Variants in HDHD2 observed in about 807,000 individuals in gnomAD.
The protein encoded by HDHD2 is haloacid dehalogenase-like hydrolase domain-containing protein 2.
A neutral mutation model predicts 24.8 loss-of-function variants in HDHD2; 26 were observed. The ratio of observed to expected loss-of-function variants is 1.05; its 90% CI spans 0.77 to 1.45. The LOEUF (loss-of-function observed/expected upper bound fraction) is 1.45, where lower values mean the gene tolerates loss of function less well. HDHD2 is among the 40% of genes most tolerant of loss of function. The pLI, the probability that HDHD2 is intolerant of heterozygous loss-of-function variation, is 0.00. For synonymous variants in HDHD2, 128 were observed against 114.9 expected, an observed-to-expected ratio of 1.11 and a Z score of -0.73; for missense variants, 299 against 313.4, an observed-to-expected ratio of 0.95 and a Z score of 0.35.
At chr18:47,126,829 A>G (rs1338698829) in intron 4 of HDHD2, among the ~76,000 whole-genome samples, 1 of 152,206 alleles carries the variant, frequency 6.6e-6, no homozygotes, top group East Asian at 1.9e-4. Context: ...AATACTGCTC[A>G]ACAAACATGT....
At chr18:47,140,808 C>T (rs1421448240) in intron 1 of HDHD2, among the ~76,000 whole-genome samples, 1 of 151,192 alleles carries the variant, frequency 6.6e-6, no homozygotes, top group African/African-American at 2.4e-5. Flanking sequence ...TGAGCCACTA[C>T]ACCTGGCCCC....
chr18:47,140,727 G>C (rs546515990), intron 1 of HDHD2, among the ~76,000 whole-genome samples: 5 of 152,092 alleles, frequency 3.3e-5, no homozygotes, highest in Non-Finnish European at 7.4e-5. Flanking sequence ...ATGTCTCTCA[G>C]GCTGGTCTCC....
In HDHD2 at chr18:47,109,875, G is replaced by C. The variant is rs1189726515; in HGVS notation, c.677-1090C>G. On this transcript the variant is annotated intron_variant, in intron 6 of 6. Transcript: ENST00000300605. The stretch of plus-strand genomic sequence containing the variant: ...GTTATTTGAGACAGGGGCTATATCT[G>C]TTACATGTCCCAATGTATTCCAAGT... 7.0e-6 allele frequency: 4 copies of C among 573,322 alleles called. No individual in the cohort carries two copies. In the African/African-American group the frequency reaches 8.1e-5, roughly 12 times the overall value. 35.5% of individuals were successfully genotyped at this position (573,322 alleles called of 1,614,324 possible).
At chr18:47,141,823 G>T (rs2063822172) in intron 1 of HDHD2, among the ~76,000 whole-genome samples, 1 of 152,084 alleles carries the variant, frequency 6.6e-6, no homozygotes. Context: ...ATATGGTTTG[G>T]CTGTGTTCCC....
intron 4 of HDHD2, among the ~76,000 whole-genome samples, chr18:47,127,170 A>C (rs1036093913): frequency 1.3e-5 from 2 of 152,068 alleles, no homozygotes; most frequent in Non-Finnish European, 2.9e-5. Context: ...CAAAAAAAAA[A>C]CCTGCAATAC....
At chr18:47,137,523 T>C (rs886646261) in intron 1 of HDHD2, among the ~76,000 whole-genome samples, 2 of 152,210 alleles carry the variant, frequency 1.3e-5, no homozygotes, top group Non-Finnish European at 2.9e-5. Flanking sequence ...TATGTTCTGA[T>C]TGACATCAAG....
At chr18:47,143,290 A>G (rs2063836512) in intron 1 of HDHD2, among the ~76,000 whole-genome samples, 1 of 152,086 alleles carries the variant, frequency 6.6e-6, no homozygotes, top group African/African-American at 2.4e-5. Context: ...CCATCTCTAT[A>G]AAAAATAAAT....
chr18:47,126,473 T>C (rs2063658952), intron 4 of HDHD2, among the ~76,000 whole-genome samples: 1 of 151,930 alleles, frequency 6.6e-6, no homozygotes. Context: ...GGTAAGAAGC[T>C]CATCCTGAAA....
intron 5 of HDHD2, among the ~76,000 whole-genome samples, chr18:47,113,414 G>A (rs1246134579): frequency 6.6e-6 from 1 of 152,188 alleles, no homozygotes; most frequent in Admixed American, 6.5e-5. Flanking sequence ...TGCAGACAGG[G>A]AATGAGCTAG....
chr18:47,109,912 T>C, intron 6 of HDHD2: 2 of 910,590 alleles, frequency 2.2e-6, no homozygotes, highest in Non-Finnish European at 2.6e-6. Context: ...CCTAACATAG[T>C]GACTAGCACA....
intron 1 of HDHD2, among the ~76,000 whole-genome samples, chr18:47,138,614 A>T (rs1249107038): frequency 6.6e-6 from 1 of 152,262 alleles, no homozygotes; most frequent in Non-Finnish European, 1.5e-5. Flanking sequence ...TTCTTATCAA[A>T]GTGGGCGAAA....
intron 6 of HDHD2, chr18:47,109,406 T>G (rs1175284977): frequency 6.6e-6 from 1 of 152,482 alleles, no homozygotes; most frequent in African/African-American, 2.4e-5. Flanking sequence ...GGCACACAAT[T>G]TAACACCTCA....
rs78508118 is a variant in HDHD2, at chr18:47,146,946, A to C, written c.-11+3432T>G. Among the ~76,000 whole-genome samples the C allele has an allele frequency of 1.4e-3, 211 of 152,328 alleles. 7 individuals are homozygous for C. In the East Asian group the frequency reaches 0.037, roughly 27 times the overall value. On this transcript the variant is annotated intron_variant, in intron 1 of 6. Transcript: ENST00000300605. ...CAATACTCTACTTCTTAACCTAGACAATGAGAATATGGGTGCTTTTAATTA... is the reference window on the plus strand; with the variant it reads ...CAATACTCTACTTCTTAACCTAGACCATGAGAATATGGGTGCTTTTAATTA...
chr18:47,130,797 C>T (rs142338050), intron 3 of HDHD2, among the ~76,000 whole-genome samples: 209 of 152,306 alleles, frequency 1.4e-3, no homozygotes, highest in Non-Finnish European at 1.9e-3. Context: ...GAGGTTAACA[C>T]ATTCATGATT....
intron 4 of HDHD2, among the ~76,000 whole-genome samples, chr18:47,122,092 T>C (rs1303621769): frequency 6.6e-6 from 1 of 152,224 alleles, no homozygotes; most frequent in Non-Finnish European, 1.5e-5. Context: ...GCCCATCAGT[T>C]GTACTCATCA....
intron 4 of HDHD2, 77 bp downstream of exon 4, chr18:47,130,167 C>A: frequency 1.1e-6 from 1 of 880,926 alleles, no homozygotes; most frequent in Non-Finnish European, 1.8e-6. Context: ...AACACATAAA[C>A]CCATTCATGA....
chr18:47,112,938 A>G (rs761602881), intron 6 of HDHD2, 39 bp downstream of exon 6: 28 of 1,521,434 alleles, frequency 1.8e-5, no homozygotes, highest in Admixed American at 3.3e-5. Flanking sequence ...GTATTCTACT[A>G]TTCTGTTTTA....
intron 6 of HDHD2, chr18:47,111,654 T>A: frequency 1.0e-6 from 1 of 985,394 alleles, no homozygotes; most frequent in Non-Finnish European, 1.2e-6. Context: ...CTAGAGTGAC[T>A]GGTGTTACTA....
chr18:47,113,021 C>A lies in HDHD2; in HGVS notation c.632G>T (p.Gly211Val). 6.2e-7 allele frequency: 1 copy of A among 1,614,126 alleles called. No homozygotes were observed. Among genetic ancestry groups the A allele is most frequent in the South Asian group, 1.1e-5 (1 of 91,074 alleles). ...MIGDDCRDDV[G>V]GAQDVGMLGI... ...CAGCATGCCGACATCTTGAGCCCCACCAACATCATCCCTGCAATCCTAGAA... is the reference window on the plus strand; with the variant it reads ...CAGCATGCCGACATCTTGAGCCCCAACAACATCATCCCTGCAATCCTAGAA... The change falls in exon 6 of 7, where the codon GGT becomes GTT. Residue 211 changes from glycine (G) to valine (V), a missense_variant. Gly to Val is a moderately radical substitution (Grantham distance 109). Transcript: ENST00000300605.
Sources: gnomAD v4.1 joint callset for allele counts (sites outside exome capture counted in the v4.1 genomes callset) on GRCh38, gnomAD v4.1.1 for gene constraint, MANE v1.5 for transcripts, NCBI Gene and HGNC (gene_info 2026-07-23, HGNC 2026-07-21) for gene names.